DIP2B: variants seen among roughly 807,000 people sequenced by gnomAD.
DIP2B encodes the protein DIP2 acetate--CoA ligase B (putative), also known as disco-interacting protein 2 homolog B.
Under a neutral mutation model 198.0 loss-of-function variants are expected in DIP2B, and 76 were observed. That is an observed-to-expected ratio of 0.38 (90% CI 0.32 to 0.46). DIP2B has a LOEUF of 0.46. DIP2B is among the 20% of genes least tolerant of loss of function. The pLI is 0.99. For synonymous variants in DIP2B, 701 were observed against 739.1 expected (o/e 0.95, Z 0.84); for missense variants, 1,559 against 1,978.4 (o/e 0.79, Z 4.02).
intron 23 of DIP2B, among the ~76,000 whole-genome samples, chr12:50,717,935 C>G (rs1277876480): frequency 1.9e-5 from 2 of 106,162 alleles, no homozygotes; most frequent in African/African-American, 7.6e-5. Flanking sequence ...TAGTCTCGCT[C>G]TGTCGCCATA....
At chr12:50,556,129 A>G (rs1035279676) in intron 1 of DIP2B, among the ~76,000 whole-genome samples, 1 of 151,852 alleles carries the variant, frequency 6.6e-6, no homozygotes, top group African/African-American at 2.4e-5. Context: ...CGCTCACTGT[A>G]AGCTCTGCCT....
intron 1 of DIP2B, among the ~76,000 whole-genome samples, chr12:50,578,652 C>T (rs963532904): frequency 2.0e-5 from 3 of 151,848 alleles, no homozygotes; most frequent in South Asian, 2.1e-4. Context: ...GGACTACAGG[C>T]GCCCGCCATC....
chr12:50,548,802 G>T (rs1457095449), intron 1 of DIP2B, among the ~76,000 whole-genome samples: 1 of 152,214 alleles, frequency 6.6e-6, no homozygotes, highest in Non-Finnish European at 1.5e-5. Context: ...TGGGATTACA[G>T]GCATGAGCCA....
At chr12:50,535,368 AT>A (rs35491499) in intron 1 of DIP2B, among the ~76,000 whole-genome samples, 34,110 of 141,682 alleles carry the variant, frequency 0.24, 4,231 homozygotes, top group East Asian at 0.38. Context: ...GAATCAGGAA[AT>A]TTTTTTTTTT....
At chr12:50,665,070 G>A (rs996579803) in intron 4 of DIP2B, among the ~76,000 whole-genome samples, 4 of 151,762 alleles carry the variant, frequency 2.6e-5, no homozygotes, top group Admixed American at 1.3e-4. Context: ...GCTCAAGCTG[G>A]CCTCAAACTC....
At chr12:50,674,655 A>G (rs757620773) in intron 6 of DIP2B, 26 bp downstream of exon 6, 8 of 1,612,694 alleles carry the variant, frequency 5.0e-6, no homozygotes, top group Admixed American at 1.7e-5. Flanking sequence ...TGGTAGCTCA[A>G]TTGTAGTGTA....
chr12:50,559,659 G>A (rs1756311186), intron 1 of DIP2B, among the ~76,000 whole-genome samples: 1 of 150,240 alleles, frequency 6.7e-6, no homozygotes, highest in African/African-American at 2.5e-5. Flanking sequence ...CTTCAGCCCA[G>A]GAAGTTGAGG....
At chr12:50,616,397 TA>T (rs1937701131) in intron 1 of DIP2B, among the ~76,000 whole-genome samples, 1 of 152,218 alleles carries the variant, frequency 6.6e-6, no homozygotes, top group South Asian at 2.1e-4. Context: ...CCACTTATTT[TA>T]TTCCAAAAAA....
At position 50,746,673 on chromosome 12, in the gene DIP2B, A is replaced by G. The variant is rs191877738; in HGVS notation, c.*1834A>G. The G allele has an allele frequency of 1.3e-5, 2 of 152,298 alleles. No homozygotes were observed. The highest frequency in any genetic ancestry group is 3.9e-4 in the East Asian group (2 of 5,186). The allele number at this position is 152,298 out of a possible 1,614,324, so 9.4% of individuals were successfully genotyped here. On this transcript the variant is annotated 3_prime_UTR_variant, in exon 38 of 38. Transcript: ENST00000301180. The stretch of plus-strand genomic sequence containing the variant: ...ATGAGGGAAGTCCTAGGATGGATAG[A>G]AAAAAAGCACTTACATTGGGGCACA...
chr12:50,708,822 G>A (rs1939560726), intron 22 of DIP2B, among the ~76,000 whole-genome samples: 3 of 152,310 alleles, frequency 2.0e-5, no homozygotes, highest in Middle Eastern at 3.4e-3. Flanking sequence ...TTTACTACTT[G>A]TGAAAGTTTT....
Position 50,505,022 on chromosome 12 carries a change from C to CGGCGGCGGCGGTGCTGGT in DIP2B, c.-117_-116insCGGCGGCGGTGCTGGTGG. ...CTCATGGCGGCGGCGGCGGCGGCGGCGGTGCTGGTGGTGCTCGGCGGCCGG... is the reference window on the plus strand; with the variant it reads ...CTCATGGCGGCGGCGGCGGCGGCGGCGGCGGCGGCGGTGCTGGTGGTGCTGGTGGTGCTCGGCGGCCGG... On this transcript the variant is annotated 5_prime_UTR_variant, in exon 1 of 38. Transcript: ENST00000301180. The CGGCGGCGGCGGTGCTGGT allele has an allele frequency of 1.0e-6, 1 of 1,001,186 alleles. No homozygotes were observed. Among genetic ancestry groups the CGGCGGCGGCGGTGCTGGT allele is most frequent in the Non-Finnish European group, 1.4e-6 (1 of 691,988 alleles). The allele number at this position is 1,001,186 out of a possible 1,614,324, so 62.0% of individuals were successfully genotyped here. A position where few individuals can be genotyped will look rare whatever the true frequency, so the allele number is the denominator to read the frequency against.
At chr12:50,534,013 T>C (rs1958241729) in intron 1 of DIP2B, among the ~76,000 whole-genome samples, 1 of 152,230 alleles carries the variant, frequency 6.6e-6, no homozygotes, top group Non-Finnish European at 1.5e-5. Context: ...ATTATCATAA[T>C]TAGAATTCAT....
chr12:50,594,373 C>G (rs531099753), intron 1 of DIP2B, among the ~76,000 whole-genome samples: 19 of 152,264 alleles, frequency 1.2e-4, no homozygotes, highest in Non-Finnish European at 2.4e-4. Flanking sequence ...GCTATTTTCT[C>G]TTTGATATGA....
chr12:50,724,215 A>T (rs1939890982), intron 27 of DIP2B, among the ~76,000 whole-genome samples: 1 of 152,176 alleles, frequency 6.6e-6, no homozygotes, highest in Non-Finnish European at 1.5e-5. Flanking sequence ...AAAAGCAGGG[A>T]GGGGAGTTGC....
chr12:50,716,782 T>C (rs1383806885), intron 23 of DIP2B, among the ~76,000 whole-genome samples: 2 of 152,142 alleles, frequency 1.3e-5, no homozygotes, highest in African/African-American at 4.8e-5. Flanking sequence ...TATCATCTTT[T>C]TGCCATCTTC....
intron 19 of DIP2B, among the ~76,000 whole-genome samples, chr12:50,702,760 G>GAAA (rs1939444088): frequency 1.2e-5 from 1 of 80,008 alleles, no homozygotes; most frequent in Non-Finnish European, 2.9e-5. Flanking sequence ...AAAAAAAAAG[G>GAAA]AGGGGTGGGG....
intron 1 of DIP2B, among the ~76,000 whole-genome samples, chr12:50,543,713 A>C (rs1281283221): frequency 1.3e-5 from 2 of 151,406 alleles, no homozygotes; most frequent in Non-Finnish European, 2.9e-5. Flanking sequence ...ACTTGAGTCC[A>C]GGAGTTCGAG....
intron 1 of DIP2B, among the ~76,000 whole-genome samples, chr12:50,555,638 G>A (rs139063615): frequency 9.2e-5 from 14 of 151,700 alleles, no homozygotes; most frequent in Admixed American, 4.0e-4. Flanking sequence ...TCTATTTGTC[G>A]CCTCTGACTT....
chr12:50,610,272 G>T (rs1382811674), intron 1 of DIP2B, among the ~76,000 whole-genome samples: 3 of 152,072 alleles, frequency 2.0e-5, no homozygotes, highest in Non-Finnish European at 4.4e-5. Flanking sequence ...GGCAAAGAAT[G>T]GTGGGTAGAG....
Sources: allele counts gnomAD v4.1 joint callset (sites outside exome capture counted in the v4.1 genomes callset), GRCh38; gene constraint gnomAD v4.1.1; transcripts MANE v1.5; gene names NCBI Gene and HGNC (gene_info 2026-07-23, HGNC 2026-07-21).